The following GABRG3 variants were observed in gnomAD, a reference collection of about 807,000 sequenced individuals.
The protein encoded by GABRG3 is gamma-aminobutyric acid receptor subunit gamma-3.
A neutral mutation model predicts 48.8 loss-of-function variants in GABRG3; 25 were observed. The observed-to-expected ratio is 0.51, with a 90% confidence interval of 0.37 to 0.72. The LOEUF (loss-of-function observed/expected upper bound fraction) is 0.72, where lower values mean the gene tolerates loss of function less well. Among genes scored for constraint, GABRG3 ranks in the 30% least tolerant of loss-of-function variants. The pLI is 0.00. For missense variants in GABRG3, 394 were observed against 577.9 expected (o/e 0.68, Z 3.26); for synonymous variants, 227 against 217.6 (o/e 1.04, Z -0.38).
intron 3 of GABRG3, among the ~76,000 whole-genome samples, chr15:27,112,565 C>T (rs918842871): frequency 3.3e-5 from 5 of 151,560 alleles, no homozygotes; most frequent in East Asian, 1.9e-4. Context: ...CTCAGCCTCC[C>T]GAGTAGCTGG....
At chr15:27,405,198 A>G (rs1887594383) in intron 5 of GABRG3, among the ~76,000 whole-genome samples, 1 of 152,250 alleles carries the variant, frequency 6.6e-6, no homozygotes, top group Non-Finnish European at 1.5e-5. Context: ...ATCCCTATAC[A>G]CATTACCTAG....
intron 5 of GABRG3, among the ~76,000 whole-genome samples, chr15:27,348,575 A>G (rs919667890): frequency 6.6e-6 from 1 of 152,176 alleles, no homozygotes; most frequent in South Asian, 2.1e-4. Context: ...TCAAGGTTCT[A>G]AAACAAGCTC....
chr15:27,079,791 A>C (rs1167962834), intron 3 of GABRG3, among the ~76,000 whole-genome samples: 1 of 152,230 alleles, frequency 6.6e-6, no homozygotes, highest in Non-Finnish European at 1.5e-5. Flanking sequence ...AAACTGGATC[A>C]TGCAAGCCTC....
chr15:27,457,375 C>T lies in GABRG3; in HGVS notation c.575-23275C>T, dbSNP rs115684651. Among the ~76,000 whole-genome samples, 248 of 152,324 alleles carry T rather than the reference C, an allele frequency of 1.6e-3. 2 individuals are homozygous for T. The highest frequency in any genetic ancestry group is 5.5e-3 in the African/African-American group (228 of 41,574). On this transcript the variant is annotated intron_variant, in intron 5 of 9. Coordinates refer to ENST00000615808, the MANE Select transcript of GABRG3 (RefSeq NM_033223.5). The surrounding 1 kb of genome is among the most constrained non-coding windows in gnomAD (Gnocchi z 4.4). Reference sequence around the variant, plus strand: ...GTTTTTTGCGTTTGTAGAAACATCACCTTCAGACCTACATCCATCCAAAGG... The same window carrying T: ...GTTTTTTGCGTTTGTAGAAACATCATCTTCAGACCTACATCCATCCAAAGG...
chr15:27,050,176 A>G (rs186331494), intron 3 of GABRG3, among the ~76,000 whole-genome samples: 89 of 152,328 alleles, frequency 5.8e-4, no homozygotes, highest in African/African-American at 2.0e-3. Flanking sequence ...ATGGACTGAG[A>G]TAGTCTCCAC....
chr15:27,513,045 C>G (rs1053885011), intron 6 of GABRG3, among the ~76,000 whole-genome samples: 1 of 151,810 alleles, frequency 6.6e-6, no homozygotes, highest in Non-Finnish European at 1.5e-5. Flanking sequence ...ACTGAAGTCA[C>G]TCAAAAGAGG....
intron 3 of GABRG3, among the ~76,000 whole-genome samples, chr15:27,244,531 T>C (rs1175364061): frequency 1.3e-5 from 2 of 152,268 alleles, no homozygotes; most frequent in African/African-American, 4.8e-5. Flanking sequence ...CATTTGATGC[T>C]TGTTTAACTT....
intron 5 of GABRG3, among the ~76,000 whole-genome samples, chr15:27,341,481 G>C (rs950327603): frequency 6.6e-6 from 1 of 152,164 alleles, no homozygotes; most frequent in Non-Finnish European, 1.5e-5. Flanking sequence ...AGGAAGCTCC[G>C]TGCTAGAAAA....
At chr15:27,269,829 C>CAT (rs201565270) in intron 3 of GABRG3, among the ~76,000 whole-genome samples, 1,720 of 151,942 alleles carry the variant, frequency 0.011, 29 homozygotes, top group African/African-American at 0.039. Flanking sequence ...TGTTAATTTT[C>CAT]ATATATATAT....
chr15:27,520,040 T>C lies in GABRG3; in HGVS notation c.781T>C (p.Tyr261His). The change falls in exon 7 of 10, where the codon TAC (tyrosine) becomes CAC (histidine). Residue 261 changes from tyrosine (Y) to histidine (H), a missense_variant. This residue lies in a region of GABRG3 where 50 missense variants were observed against 112.5 expected (regional missense o/e 0.44). Transcript: ENST00000615808. ...AATGGGATACTTCACCATTCAGACA[T>C]ACATTCCCTGTATACTGACTGTGGT... ...RRMGYFTIQT[Y>H]IPCILTVVLS... is the part of the protein sequence containing the mutation. 6.3e-7 allele frequency: 1 copy of C among 1,595,342 alleles called. No homozygotes were observed.
At chr15:27,378,145 T>A (rs1333767132) in intron 5 of GABRG3, among the ~76,000 whole-genome samples, 1 of 152,224 alleles carries the variant, frequency 6.6e-6, no homozygotes, top group Non-Finnish European at 1.5e-5. Flanking sequence ...TGTCATGATT[T>A]ATCAGCATAG....
chr15:27,212,126 G>GTTT (rs1889098862), intron 3 of GABRG3, among the ~76,000 whole-genome samples: 1 of 152,210 alleles, frequency 6.6e-6, no homozygotes, highest in Non-Finnish European at 1.5e-5. Context: ...TCAAGCTGAT[G>GTTT]TCAAGTCTAG....
chr15:27,241,260 G>T (rs56210406), intron 3 of GABRG3, among the ~76,000 whole-genome samples: 1 of 152,326 alleles, frequency 6.6e-6, no homozygotes, highest in Non-Finnish European at 1.5e-5. Flanking sequence ...CAGTGTGAGT[G>T]TGAGGGAATG....
chr15:27,375,728 CT>C (rs909188872), intron 5 of GABRG3, among the ~76,000 whole-genome samples: 20 of 152,254 alleles, frequency 1.3e-4, no homozygotes, highest in African/African-American at 4.6e-4. Flanking sequence ...TGGGAAAGAT[CT>C]GCCCCCATGA....
intron 2 of GABRG3, among the ~76,000 whole-genome samples, chr15:27,002,744 C>CAAAA (rs71413297): frequency 7.9e-5 from 2 of 25,430 alleles, no homozygotes; most frequent in Admixed American, 3.9e-4. Context: ...CCGTGTCTCT[C>CAAAA]AAAAAAAAAA....
chr15:27,283,274 T>C (rs1273530690), intron 3 of GABRG3, among the ~76,000 whole-genome samples: 4 of 152,196 alleles, frequency 2.6e-5, no homozygotes, highest in African/African-American at 4.8e-5. Context: ...AATTTTCTTC[T>C]GGTATTTTGA....
intron 3 of GABRG3, among the ~76,000 whole-genome samples, chr15:27,304,979 T>A (rs992719616): frequency 6.6e-6 from 1 of 151,902 alleles, no homozygotes; most frequent in Non-Finnish European, 1.5e-5. Context: ...ACACCAAAAG[T>A]TAGAATTTTC....
chr15:27,185,724 A>T (rs1232907065), intron 3 of GABRG3, among the ~76,000 whole-genome samples: 1 of 152,084 alleles, frequency 6.6e-6, no homozygotes, highest in Non-Finnish European at 1.5e-5. Flanking sequence ...TGTTTGGTAC[A>T]TACATATTTG....
At position 26,976,054 on chromosome 15, in the gene GABRG3, C is replaced by T. The variant is rs1217179482; in HGVS notation, c.54-948C>T. Among the ~76,000 whole-genome samples the T allele has an allele frequency of 6.6e-6, 1 of 151,892 alleles. No individual in the cohort carries two copies. The highest frequency in any genetic ancestry group is 1.5e-5 in the Non-Finnish European group (1 of 67,998). Reference sequence around the variant, plus strand: ...CGGCCTCACTCATTGAGAAAACCAGCTTGTCAAGTACAAGTGTGTGCCAAT... The same window carrying T: ...CGGCCTCACTCATTGAGAAAACCAGTTTGTCAAGTACAAGTGTGTGCCAAT... On this transcript the variant is annotated intron_variant, in intron 1 of 9. Coordinates refer to ENST00000615808, the MANE Select transcript of GABRG3 (RefSeq NM_033223.5). This position sits in a 1 kb window ranked among gnomAD's most constrained non-coding sequence, Gnocchi z 7.8.
Sources: allele counts gnomAD v4.1 joint callset (sites outside exome capture counted in the v4.1 genomes callset), GRCh38; gene constraint gnomAD v4.1.1; regional missense constraint gnomAD v4.1.1; non-coding constraint Gnocchi (gnomAD v3.1); transcripts MANE v1.5; gene names NCBI Gene and HGNC (gene_info 2026-07-23, HGNC 2026-07-21).